The following GALNT13 variants were observed in gnomAD, a reference collection of about 807,000 sequenced individuals.
GALNT13 encodes UDP-GalNAc:polypeptide N-acetylgalactosaminyltransferase 13.
GALNT13 carries 28 observed loss-of-function variants against 64.2 expected under a neutral mutation model. The observed-to-expected ratio is 0.44, with a 90% CI of 0.32 to 0.60. GALNT13 has a LOEUF of 0.60. Among genes scored for constraint, GALNT13 ranks in the 20% least tolerant of loss-of-function variants. The probability of loss-of-function intolerance (pLI) is 0.05; values close to 1 mark genes in which losing one functional copy is unlikely to be tolerated. For synonymous variants in GALNT13, 214 were observed against 224.6 expected, an observed-to-expected ratio of 0.95 and a Z score of 0.42; for missense variants, 577 against 669.8, an observed-to-expected ratio of 0.86 and a Z score of 1.53.
intron 9 of GALNT13, among the ~76,000 whole-genome samples, chr2:154,318,591 G>A (rs1694449521): frequency 6.6e-6 from 1 of 152,042 alleles, no homozygotes; most frequent in African/African-American, 2.4e-5. Context: ...CAGGCATGGT[G>A]GCATACGCCT....
chr2:153,675,672 C>T, the GALNT13 span, among the ~76,000 whole-genome samples: 2 of 152,002 alleles, frequency 1.3e-5, no homozygotes, highest in African/African-American at 4.8e-5. Context: ...TGCACATTTA[C>T]CCTAGAACTT....
chr2:154,341,490 C>G (rs1459990579), intron 9 of GALNT13, among the ~76,000 whole-genome samples: 1 of 151,994 alleles, frequency 6.6e-6, no homozygotes, highest in African/African-American at 2.4e-5. Flanking sequence ...AAGCAAAAGA[C>G]TTTGTTACAA....
At chr2:153,938,697 CT>C in intron 2 of GALNT13, among the ~76,000 whole-genome samples, 1 of 152,152 alleles carries the variant, frequency 6.6e-6, no homozygotes, top group Non-Finnish European at 1.5e-5. Flanking sequence ...TCTGAGTCCT[CT>C]TTTTGTGGTT....
chr2:153,866,748 T>G, the GALNT13 span, among the ~76,000 whole-genome samples: 1 of 152,200 alleles, frequency 6.6e-6, no homozygotes, highest in Non-Finnish European at 1.5e-5. Context: ...GTCAACATTT[T>G]AACAAAAGAT....
the GALNT13 span, among the ~76,000 whole-genome samples, chr2:153,250,428 T>C: frequency 6.6e-6 from 1 of 152,226 alleles, no homozygotes; most frequent in Non-Finnish European, 1.5e-5. Flanking sequence ...TTTTACATTG[T>C]TGGTGGGAGT....
intron 3 of GALNT13, among the ~76,000 whole-genome samples, chr2:154,102,485 G>A (rs1239786641): frequency 1.3e-5 from 2 of 152,092 alleles, no homozygotes; most frequent in Non-Finnish European, 2.9e-5. Context: ...GGACACAAAG[G>A]CATGAGAATA....
the GALNT13 span, among the ~76,000 whole-genome samples, chr2:153,694,848 A>T: frequency 6.6e-6 from 1 of 152,220 alleles, no homozygotes; most frequent in Non-Finnish European, 1.5e-5. Context: ...TTTAAAATGT[A>T]TGTTTTAAAA....
At chr2:153,956,699 A>G (rs1692590961) in intron 3 of GALNT13, among the ~76,000 whole-genome samples, 1 of 152,150 alleles carries the variant, frequency 6.6e-6, no homozygotes, top group Non-Finnish European at 1.5e-5. Flanking sequence ...CCCTTTTAAT[A>G]ACTACCAAAT....
At position 153,965,854 on chromosome 2, in the gene GALNT13, C is replaced by T. The variant is rs535582461; in HGVS notation, c.142+21215C>T. The stretch of plus-strand genomic sequence containing the variant: ...CTACATTTTCATTCCATCCCCCTAA[C>T]TTTAAGACTTCTGTTGTCTCTACTT... On this transcript the variant is annotated intron_variant, in intron 3 of 12. Transcript: ENST00000392825. Among the ~76,000 whole-genome samples, 57 of 150,686 alleles carry T rather than the reference C, an allele frequency of 3.8e-4. 1 individual carries two copies. The highest frequency in any genetic ancestry group is 3.7e-4 in the Non-Finnish European group (25 of 67,748).
the GALNT13 span, among the ~76,000 whole-genome samples, chr2:153,722,004 AT>A: frequency 6.7e-6 from 1 of 148,464 alleles, no homozygotes; most frequent in Non-Finnish European, 1.5e-5. Flanking sequence ...CAGAATATAC[AT>A]TTTTTTCAGC....
the GALNT13 span, among the ~76,000 whole-genome samples, chr2:153,084,905 A>G: frequency 6.6e-6 from 1 of 152,184 alleles, no homozygotes; most frequent in African/African-American, 2.4e-5. Flanking sequence ...ACTAGGTAGA[A>G]GTTGGAACAA....
intron 9 of GALNT13, among the ~76,000 whole-genome samples, chr2:154,363,197 G>A (rs1697173664): frequency 6.6e-6 from 1 of 152,146 alleles, no homozygotes; most frequent in Non-Finnish European, 1.5e-5. Context: ...GGCTTGGTAA[G>A]CCAGATGTAC....
the GALNT13 span, among the ~76,000 whole-genome samples, chr2:153,108,634 C>T: frequency 6.6e-6 from 1 of 152,140 alleles, no homozygotes; most frequent in African/African-American, 2.4e-5. Flanking sequence ...GATTTCACCA[C>T]CTGGGGATAT....
the GALNT13 span, among the ~76,000 whole-genome samples, chr2:153,583,089 C>T: frequency 1.5e-4 from 23 of 152,258 alleles, no homozygotes; most frequent in African/African-American, 5.5e-4. Context: ...AGCTGTGACA[C>T]ATGCTATAAA....
intron 12 of GALNT13, among the ~76,000 whole-genome samples, chr2:154,442,412 C>T (rs888284855): frequency 7.2e-5 from 11 of 152,020 alleles, no homozygotes; most frequent in Non-Finnish European, 1.2e-4. Context: ...TAAATAACCA[C>T]GAATTCAATT....
intron 3 of GALNT13, among the ~76,000 whole-genome samples, chr2:154,017,246 T>C (rs1697071590): frequency 6.6e-6 from 1 of 152,146 alleles, no homozygotes; most frequent in Non-Finnish European, 1.5e-5. Flanking sequence ...AAATTGTAAA[T>C]GATATGAAAT....
intron 4 of GALNT13, among the ~76,000 whole-genome samples, chr2:154,182,493 A>C (rs749862870): frequency 4.6e-5 from 7 of 151,796 alleles, no homozygotes; most frequent in Non-Finnish European, 8.8e-5. Flanking sequence ...CTTTCCCCCT[A>C]TCCATGTGGA....
chr2:153,999,699 A>G (rs1435273476), intron 3 of GALNT13, among the ~76,000 whole-genome samples: 1 of 151,878 alleles, frequency 6.6e-6, no homozygotes, highest in Non-Finnish European at 1.5e-5. Context: ...TTTATAATAT[A>G]TTGTCGATTC....
chr2:153,882,015 A>G (rs1372070481), intron 1 of GALNT13, among the ~76,000 whole-genome samples: 2 of 152,094 alleles, frequency 1.3e-5, no homozygotes, highest in East Asian at 1.9e-4. Context: ...TTCGTTTTCA[A>G]TAGATGAGTA....
Sources: allele counts gnomAD v4.1 joint callset (sites outside exome capture counted in the v4.1 genomes callset), GRCh38; gene constraint gnomAD v4.1.1; transcripts MANE v1.5; gene names NCBI Gene and HGNC (gene_info 2026-07-23, HGNC 2026-07-21).